The following DPP6 variants were observed in gnomAD, a reference collection of about 807,000 sequenced individuals.
The protein encoded by DPP6 is dipeptidyl peptidase like 6.
DPP6 carries 69 observed loss-of-function variants against 122.6 expected under a neutral mutation model. The ratio of observed to expected loss-of-function variants is 0.56; its 90% confidence interval spans 0.46 to 0.69. The LOEUF (loss-of-function observed/expected upper bound fraction) is 0.69. Among genes scored for constraint, DPP6 ranks in the 30% least tolerant of loss-of-function variants. The pLI, the probability that DPP6 is intolerant of heterozygous loss-of-function variation, is 0.00. For synonymous variants in DPP6, 418 were observed against 433.1 expected, an observed-to-expected ratio of 0.97 and a Z score of 0.43; for missense variants, 928 against 1,116.9, an observed-to-expected ratio of 0.83 and a Z score of 2.41.
At chr7:154,851,534 A>C (rs1802383112) in intron 16 of DPP6, among the ~76,000 whole-genome samples, 1 of 152,240 alleles carries the variant, frequency 6.6e-6, no homozygotes, top group African/African-American at 2.4e-5. Context: ...TCTTAGAGCC[A>C]AGAAACTTAG....
At chr7:154,427,402 T>C (rs1050665521) in intron 1 of DPP6, among the ~76,000 whole-genome samples, 3 of 152,242 alleles carry the variant, frequency 2.0e-5, no homozygotes, top group African/African-American at 7.2e-5. Context: ...AGGCTTTCTT[T>C]TTCCTTAGAA....
intron 8 of DPP6, among the ~76,000 whole-genome samples, chr7:154,743,289 G>T (rs1225667240): frequency 6.6e-6 from 1 of 152,202 alleles, no homozygotes; most frequent in African/African-American, 2.4e-5. Flanking sequence ...GGAAAATAAA[G>T]CTGAAAGATG....
chr7:154,629,256 A>T (rs1276781175), intron 5 of DPP6, among the ~76,000 whole-genome samples: 1 of 152,144 alleles, frequency 6.6e-6, no homozygotes, highest in Non-Finnish European at 1.5e-5. Context: ...CTTTGAGTAA[A>T]CACTTCATTT....
chr7:154,352,292 T>C (rs1810927267), intron 1 of DPP6, among the ~76,000 whole-genome samples: 1 of 151,866 alleles, frequency 6.6e-6, no homozygotes, highest in East Asian at 1.9e-4. Flanking sequence ...TGAGACATCA[T>C]CTCTACTAAA....
intron 1 of DPP6, among the ~76,000 whole-genome samples, chr7:154,108,884 T>C (rs1057135091): frequency 6.6e-6 from 1 of 152,226 alleles, no homozygotes; most frequent in Non-Finnish European, 1.5e-5. Context: ...TTTAGAGTAA[T>C]TGGGGAAGTT....
the DPP6 span, among the ~76,000 whole-genome samples, chr7:153,866,152 C>A: frequency 6.6e-6 from 1 of 152,048 alleles, no homozygotes; most frequent in Non-Finnish European, 1.5e-5. Flanking sequence ...ATTTACAATC[C>A]TTAGGGTATT....
chr7:154,080,441 C>G (rs71532606), intron 1 of DPP6, among the ~76,000 whole-genome samples: 8,680 of 152,282 alleles, frequency 0.057, 291 homozygotes, highest in Middle Eastern at 0.14. Flanking sequence ...GAATGTTTAA[C>G]TCACCATGGA....
chr7:153,770,135 C>T, the DPP6 span, among the ~76,000 whole-genome samples: 8 of 152,160 alleles, frequency 5.3e-5, no homozygotes, highest in South Asian at 2.1e-4. Flanking sequence ...TCTACTGCCC[C>T]GTGTCCATGA....
intron 1 of DPP6, among the ~76,000 whole-genome samples, chr7:154,060,066 C>G (rs865816303): frequency 4.9e-5 from 7 of 142,482 alleles, no homozygotes; most frequent in African/African-American, 1.5e-4. Flanking sequence ...CTCTTCCCCC[C>G]CTGGCTCTTG....
At chr7:154,447,848 T>G (rs950047314) in intron 2 of DPP6, among the ~76,000 whole-genome samples, 7 of 152,180 alleles carry the variant, frequency 4.6e-5, no homozygotes, top group Admixed American at 6.5e-5. Flanking sequence ...AGACACAGAA[T>G]AAGCATGTGA....
chr7:154,772,807 G>A, intron 9 of DPP6, 38 bp from the exon 10 acceptor site: 1 of 1,595,310 alleles, frequency 6.3e-7, no homozygotes. Flanking sequence ...CTTGTATAAG[G>A]CTGCTTGTTC....
At chr7:154,195,010 G>A (rs1168537955) in intron 1 of DPP6, among the ~76,000 whole-genome samples, 2 of 152,136 alleles carry the variant, frequency 1.3e-5, no homozygotes, top group Non-Finnish European at 1.5e-5. Flanking sequence ...CAGTTTGCCA[G>A]TTGGTTCTCT....
chr7:154,300,207 C>T (rs1805814454), intron 1 of DPP6, among the ~76,000 whole-genome samples: 1 of 152,244 alleles, frequency 6.6e-6, no homozygotes, highest in Non-Finnish European at 1.5e-5. Flanking sequence ...CATGCCCCGC[C>T]AGGCTCCAGG....
chr7:154,469,709 A>G (rs191266855), intron 2 of DPP6, among the ~76,000 whole-genome samples: 141 of 152,380 alleles, frequency 9.3e-4, no homozygotes, highest in Non-Finnish European at 1.6e-3. Context: ...TAGCACCTGC[A>G]ACACATAGCA....
chr7:154,223,279 C>T lies in DPP6; in HGVS notation c.243+170216C>T, dbSNP rs756383273. On this transcript the variant is annotated intron_variant, in intron 1 of 25. Coordinates refer to ENST00000377770, the MANE Select transcript of DPP6 (RefSeq NM_130797.4). ...GACAGATTGTAGGTAAACACGTGTG[C>T]TTACTACCCATTCATTCATTATTCA... is the stretch of plus-strand genomic sequence containing the variant. Among the ~76,000 whole-genome samples, 5 of 149,416 alleles carry T rather than the reference C, an allele frequency of 3.3e-5. 1 individual carries two copies. The highest frequency in any genetic ancestry group is 7.7e-5 in the African/African-American group (3 of 39,196).
chr7:154,087,424 A>C (rs1310966421), intron 1 of DPP6, among the ~76,000 whole-genome samples: 4 of 152,212 alleles, frequency 2.6e-5, no homozygotes, highest in African/African-American at 4.8e-5. Flanking sequence ...ACAGCTGAAG[A>C]AGGACTGAAT....
At chr7:154,041,941 T>G (rs1223423257) in intron 1 of DPP6, among the ~76,000 whole-genome samples, 2 of 152,126 alleles carry the variant, frequency 1.3e-5, no homozygotes, top group Non-Finnish European at 2.9e-5. Flanking sequence ...GTATTTTTAG[T>G]AGAGCCGGGG....
In DPP6 at chr7:154,522,084, T is replaced by C. The variant is rs186024386; in HGVS notation, c.458-18448T>C. ...GTTCACGCCACTCTCCTGTTTCAGC[T>C]TCCCGGGTAGCTGGGACTACAGGCA... On this transcript the variant is annotated intron_variant, in intron 3 of 25. Transcript: ENST00000377770. Among the ~76,000 whole-genome samples the C allele has an allele frequency of 9.4e-3, 1,429 of 152,148 alleles. 12 individuals are homozygous for C. Among genetic ancestry groups the C allele is most frequent in the Non-Finnish European group, 0.012 (811 of 67,982 alleles).
At chr7:153,773,095 A>G in the DPP6 span, among the ~76,000 whole-genome samples, 3 of 148,356 alleles carry the variant, frequency 2.0e-5, no homozygotes, top group African/African-American at 7.3e-5. Flanking sequence ...GGGGTATTGC[A>G]TAATGATAAA....
Sources: allele counts gnomAD v4.1 joint callset (sites outside exome capture counted in the v4.1 genomes callset), GRCh38; gene constraint gnomAD v4.1.1; transcripts MANE v1.5; gene names NCBI Gene and HGNC (gene_info 2026-07-23, HGNC 2026-07-21).